Variants in ZNF146 observed in about 807,000 individuals in gnomAD.
ZNF146 encodes zinc finger protein OZF.
In ZNF146, 9 loss-of-function variants were observed where a neutral mutation model predicts 22.2. That is an observed-to-expected ratio of 0.41 (90% CI 0.24 to 0.71). The LOEUF (loss-of-function observed/expected upper bound fraction) is 0.71. Among genes scored for constraint, ZNF146 ranks in the 30% least tolerant of loss-of-function variants. The pLI, the probability that ZNF146 is intolerant of heterozygous loss-of-function variation, is 0.34. For missense variants in ZNF146, 194 were observed against 344.8 expected (o/e 0.56, Z 3.46); for synonymous variants, 108 against 119.2 (o/e 0.91, Z 0.61).
In ZNF146 at chr19:36,215,158, C is replaced by T. The variant is rs1355623937; in HGVS notation, c.-967C>T. 1 of 152,152 alleles carries T rather than the reference C, an allele frequency of 6.6e-6. No homozygotes were observed. The highest frequency in any genetic ancestry group is 2.4e-5 in the African/African-American group (1 of 41,386). 9.4% of individuals were successfully genotyped at this position (152,152 alleles called of 1,614,324 possible). On this transcript the variant is annotated 5_prime_UTR_variant, in exon 1 of 4. Coordinates refer to ENST00000443387, the MANE Select transcript of ZNF146 (RefSeq NM_007145.3). ...GACATTTTGGTCTTTGTCCGCGGGT[C>T]AGTACGGCCCCTGGGTCCACGTGGC...
At chr19:36,235,406 C>T (rs1163315654) in intron 3 of ZNF146, among the ~76,000 whole-genome samples, 1 of 151,998 alleles carries the variant, frequency 6.6e-6, no homozygotes, top group African/African-American at 2.4e-5. Context: ...AATTTTCTAC[C>T]TAGATCACCT....
At chr19:36,216,334 G>T (rs921400425) in intron 1 of ZNF146, among the ~76,000 whole-genome samples, 5 of 152,108 alleles carry the variant, frequency 3.3e-5, no homozygotes, top group Non-Finnish European at 4.4e-5. Flanking sequence ...AAACTTAAGT[G>T]AATGTATTAA....
chr19:36,231,262 T>C (rs1977354957), intron 3 of ZNF146, among the ~76,000 whole-genome samples: 1 of 152,086 alleles, frequency 6.6e-6, no homozygotes, highest in South Asian at 2.1e-4. Context: ...CAGGTTGGAG[T>C]GCGGTGGTGC....
chr19:36,233,009 C>T (rs1330278019), intron 3 of ZNF146, among the ~76,000 whole-genome samples: 2 of 152,100 alleles, frequency 1.3e-5, no homozygotes, highest in African/African-American at 2.4e-5. Context: ...TTTGTATGTC[C>T]GTATCCATGT....
At position 36,234,102 on chromosome 19, in the gene ZNF146, G is replaced by C. The variant is rs905057336; in HGVS notation, c.-782-1557G>C. 2.6e-5 allele frequency among the ~76,000 whole-genome samples: 4 copies of C among 152,174 alleles called. No homozygotes were observed. In the East Asian group the frequency reaches 5.8e-4, roughly 22 times the overall value. The stretch of plus-strand genomic sequence containing the variant: ...GGTGATGACTCTTAAGGAGCATGCT[G>C]CCTTCAAGCATTTGTTTAACAAAGC... On this transcript the variant is annotated intron_variant, in intron 3 of 3. Coordinates refer to ENST00000443387, the MANE Select transcript of ZNF146 (RefSeq NM_007145.3).
intron 2 of ZNF146, among the ~76,000 whole-genome samples, chr19:36,221,955 A>G (rs1264883715): frequency 9.1e-6 from 1 of 109,838 alleles, no homozygotes; most frequent in African/African-American, 3.5e-5. Context: ...TTTTTGAAAT[A>G]GTCTCGCTCT....
intron 2 of ZNF146, among the ~76,000 whole-genome samples, chr19:36,224,604 G>A (rs1599968593): frequency 6.6e-6 from 1 of 152,040 alleles, no homozygotes; most frequent in South Asian, 2.1e-4. Context: ...TTAATTGCTC[G>A]TCCTTTTCAG....
Position 36,238,081 on chromosome 19 carries a change from G to A in ZNF146, c.*762G>A, listed in dbSNP as rs554605037. On this transcript the variant is annotated 3_prime_UTR_variant, in exon 4 of 4. Coordinates refer to ENST00000443387, the MANE Select transcript of ZNF146 (RefSeq NM_007145.3). ...CTTGATTTGTAGTAGCCAAAAATTAGAAACAACTGAGAAAGCCCATCACGA... is the reference window on the plus strand; with the variant it reads ...CTTGATTTGTAGTAGCCAAAAATTAAAAACAACTGAGAAAGCCCATCACGA... The A allele has an allele frequency of 6.0e-6, 1 of 167,126 alleles. No individual in the cohort carries two copies. The highest frequency in any genetic ancestry group is 1.9e-4 in the East Asian group (1 of 5,180). 10.4% of individuals were successfully genotyped at this position (167,126 alleles called of 1,614,324 possible).
chr19:36,232,707 C>T (rs1421867765), intron 3 of ZNF146, among the ~76,000 whole-genome samples: 1 of 150,670 alleles, frequency 6.6e-6, no homozygotes, highest in Non-Finnish European at 1.5e-5. Flanking sequence ...CTCCCGGTTT[C>T]AAGTGATTCT....
rs367776371 is a variant in ZNF146 at position 36,228,172 on chromosome 19, A to AG, written c.-854-576_-854-575insG. On this transcript the variant is annotated intron_variant, in intron 2 of 3. Transcript: ENST00000443387. ...TGAAACTGTCTCAAAAAAAAAAAAA[A>AG]AAAAAGAAAGAATTTCACTCTCAGT... 6.3e-3 allele frequency among the ~76,000 whole-genome samples: 936 copies of AG among 149,186 alleles called. 8 individuals carry two copies. Among genetic ancestry groups the AG allele is most frequent in the African/African-American group, 0.019 (772 of 39,802 alleles).
intron 1 of ZNF146, among the ~76,000 whole-genome samples, chr19:36,215,814 A>G (rs1199030761): frequency 1.3e-5 from 2 of 152,202 alleles, no homozygotes; most frequent in Non-Finnish European, 2.9e-5. Flanking sequence ...AAGCAATCCC[A>G]TATAACGGCG....
chr19:36,218,110 TTTA>T lies in ZNF146; in HGVS notation c.-928-11_-928-9del, dbSNP rs55832175. On this transcript the variant is annotated splice_polypyrimidine_tract_variant and intron_variant, in intron 1 of 3. Coordinates refer to ENST00000443387, the MANE Select transcript of ZNF146 (RefSeq NM_007145.3). ...ATGAGCTAATTTTTTTTTTTTTTTT[TTTA>T]AATTAAAGGAAGACATAGGCCAAGG... The T allele has an allele frequency of 0.36, 52,730 of 145,938 alleles. 9,956 individuals carry two copies. Among genetic ancestry groups the T allele is most frequent in the Middle Eastern group, 0.48 (138 of 288 alleles). The allele number at this position is 145,938 out of a possible 1,614,324, so 9.0% of individuals were successfully genotyped here. A position where few individuals can be genotyped will look rare whatever the true frequency, so the allele number is the denominator to read the frequency against.
At chr19:36,230,256 A>G (rs903158977) in intron 3 of ZNF146, among the ~76,000 whole-genome samples, 2 of 152,224 alleles carry the variant, frequency 1.3e-5, no homozygotes, top group Non-Finnish European at 2.9e-5. Context: ...TACCAAGCTG[A>G]TATATTCACA....
rs1376021567 is a variant in ZNF146 at position 36,236,632 on chromosome 19, C to T, written c.192C>T (p.Asn64=). 6.2e-7 allele frequency: 1 copy of T among 1,613,996 alleles called. No homozygotes were observed. The highest frequency in any genetic ancestry group is 8.5e-7 in the Non-Finnish European group (1 of 1,180,034). ...AGCAGTATGTCATTAAACATCAGAA[C>T]ACCCATACTGGCGAGAAGCTTTTCG... The part of the protein sequence containing the change: ...SQKQYVIKHQ[N]THTGEKLFEC... Residue 64 remains asparagine, a synonymous_variant, in exon 4 of 4, where the codon AAC becomes AAT. Coordinates refer to ENST00000443387, the MANE Select transcript of ZNF146 (RefSeq NM_007145.3).
intron 2 of ZNF146, among the ~76,000 whole-genome samples, chr19:36,219,043 C>T (rs552065852): frequency 1.1e-4 from 17 of 148,774 alleles, no homozygotes; most frequent in Middle Eastern, 4.0e-3. Flanking sequence ...CTCCTGACCT[C>T]GTGATCCGCC....
chr19:36,238,671 AAAT>A lies in ZNF146; in HGVS notation c.*1354_*1356del, dbSNP rs1222197981. 2 of 167,090 alleles carry A rather than the reference AAAT, an allele frequency of 1.2e-5. No individual in the cohort carries two copies. The highest frequency in any genetic ancestry group is 6.5e-5 in the Admixed American group (1 of 15,276). The allele number at this position is 167,090 out of a possible 1,614,324, so 10.4% of individuals were successfully genotyped here. A position where few individuals can be genotyped will look rare whatever the true frequency, so the allele number is the denominator to read the frequency against. On this transcript the variant is annotated 3_prime_UTR_variant, in exon 4 of 4. Transcript: ENST00000443387. ...AATTAAATACTAAACATTTTATAGA[AAAT>A]ATTTCTAAAATTTTATCACGGATGA... is the stretch of plus-strand genomic sequence containing the variant.
At chr19:36,229,186 T>A (rs1330855883) in intron 3 of ZNF146, among the ~76,000 whole-genome samples, 1 of 152,236 alleles carries the variant, frequency 6.6e-6, no homozygotes, top group East Asian at 1.9e-4. Flanking sequence ...TTTTTGTTAC[T>A]ACCTTCTCTC....
chr19:36,237,441 A>G lies in ZNF146; in HGVS notation c.*122A>G, dbSNP rs1373565187. 7.9e-7 allele frequency: 1 copy of G among 1,267,474 alleles called. No individual in the cohort carries two copies. Among genetic ancestry groups the G allele is most frequent in the Non-Finnish European group, 1.1e-6 (1 of 938,466 alleles). The allele number at this position is 1,267,474 out of a possible 1,614,324, so 78.5% of individuals were successfully genotyped here. A position where few individuals can be genotyped will look rare whatever the true frequency, so the allele number is the denominator to read the frequency against. On this transcript the variant is annotated 3_prime_UTR_variant, in exon 4 of 4. Coordinates refer to ENST00000443387, the MANE Select transcript of ZNF146 (RefSeq NM_007145.3). ...ATGAGGTTAACTTTAACAAGTACTA[A>G]AAACTTAAGGGACACCAGAAAATTT...
intron 2 of ZNF146, among the ~76,000 whole-genome samples, chr19:36,220,586 G>C (rs930926357): frequency 6.6e-6 from 1 of 152,022 alleles, no homozygotes; most frequent in South Asian, 2.1e-4. Context: ...GGATGGTCTC[G>C]ATCTCCTAAC....
Sources: allele counts gnomAD v4.1 joint callset (sites outside exome capture counted in the v4.1 genomes callset), GRCh38; gene constraint gnomAD v4.1.1; transcripts MANE v1.5; gene names NCBI Gene and HGNC (gene_info 2026-07-23, HGNC 2026-07-21).